The following TBC1D16 variants were observed in gnomAD, a reference collection of about 807,000 sequenced individuals.
TBC1D16 encodes the protein TBC1 domain family member 16.
In TBC1D16, 58 loss-of-function variants were observed where a neutral mutation model predicts 74.7. The observed-to-expected ratio is 0.78, with a 90% CI of 0.63 to 0.97. The LOEUF (loss-of-function observed/expected upper bound fraction) is 0.97. TBC1D16 is among the 50% of genes least tolerant of loss of function. The probability of loss-of-function intolerance (pLI) is 0.00; values close to 1 mark genes in which losing one functional copy is unlikely to be tolerated. For missense variants in TBC1D16, 1,014 were observed against 1,079.5 expected, an observed-to-expected ratio of 0.94 and a Z score of 0.85; for synonymous variants, 493 against 474.7, an observed-to-expected ratio of 1.04 and a Z score of -0.50.
At chr17:79,959,658 T>G (rs918389512) in intron 3 of TBC1D16, among the ~76,000 whole-genome samples, 1 of 152,136 alleles carries the variant, frequency 6.6e-6, no homozygotes, top group African/African-American at 2.4e-5. Context: ...CAACAGGATA[T>G]CTGCATGAAA....
intron 3 of TBC1D16, among the ~76,000 whole-genome samples, chr17:79,991,221 C>G (rs1022921870): frequency 6.6e-6 from 1 of 152,220 alleles, no homozygotes; most frequent in East Asian, 1.9e-4. Flanking sequence ...GCGTCCACGC[C>G]GGGAGAGCAG....
chr17:79,964,856 T>C (rs2033773368), intron 3 of TBC1D16, among the ~76,000 whole-genome samples: 3 of 152,078 alleles, frequency 2.0e-5, no homozygotes, highest in Admixed American at 1.3e-4. Flanking sequence ...GGAAAGTAGG[T>C]TGCAAAACTA....
At chr17:79,943,814 AAC>A (rs2032261294) in intron 10 of TBC1D16, 1 of 1,315,898 alleles carries the variant, frequency 7.6e-7, no homozygotes, top group Non-Finnish European at 9.8e-7. Context: ...GTTCACGGGT[AAC>A]ATCAGCCTGA....
intron 3 of TBC1D16, among the ~76,000 whole-genome samples, chr17:79,995,734 G>A (rs772839789): frequency 5.3e-5 from 8 of 152,146 alleles, no homozygotes; most frequent in African/African-American, 1.9e-4. Context: ...GCAGTGAGCC[G>A]AGATCGCGCC....
intron 3 of TBC1D16, among the ~76,000 whole-genome samples, chr17:79,953,755 T>C (rs1401218881): frequency 6.6e-6 from 1 of 152,154 alleles, no homozygotes. Flanking sequence ...TGAGATTTTT[T>C]CTTTTTTTCT....
chr17:80,021,912 T>G (rs1378651400), intron 1 of TBC1D16, among the ~76,000 whole-genome samples: 1 of 11,638 alleles, frequency 8.6e-5, no homozygotes, highest in African/African-American at 2.0e-4. Flanking sequence ...ACACACACCA[T>G]GACACACACA....
intron 3 of TBC1D16, among the ~76,000 whole-genome samples, chr17:79,970,340 C>G (rs1333265376): frequency 6.6e-6 from 1 of 152,106 alleles, no homozygotes; most frequent in African/African-American, 2.4e-5. Flanking sequence ...TGAAAATGTT[C>G]TGGAATCAGG....
chr17:79,969,960 G>A (rs1362626814), intron 3 of TBC1D16, among the ~76,000 whole-genome samples: 1 of 151,960 alleles, frequency 6.6e-6, no homozygotes, highest in African/African-American at 2.4e-5. Flanking sequence ...GAAAAGAAAA[G>A]AAAATAGATG....
rs2034080626 is a variant in TBC1D16, at chr17:79,971,085, C to T, written c.780-18267G>A. On this transcript the variant is annotated intron_variant, in intron 3 of 11. Coordinates refer to ENST00000310924, the MANE Select transcript of TBC1D16 (RefSeq NM_019020.4). The surrounding 1 kb of genome is among the most constrained non-coding windows in gnomAD (Gnocchi z 4.6). ...TTGCCCAGGCTGGAGTGCAGTGGCGCTATCTCGGCTCACTGCAACCTCCAC... is the reference window on the plus strand; with the variant it reads ...TTGCCCAGGCTGGAGTGCAGTGGCGTTATCTCGGCTCACTGCAACCTCCAC... Among the ~76,000 whole-genome samples the T allele has an allele frequency of 6.6e-6, 1 of 151,824 alleles. No homozygotes were observed. Among genetic ancestry groups the T allele is most frequent in the Non-Finnish European group, 1.5e-5 (1 of 67,978 alleles).
In TBC1D16 at chr17:79,941,954, G is replaced by T; in HGVS notation, c.2055+106C>A. 1 of 1,102,414 alleles carries T rather than the reference G, an allele frequency of 9.1e-7. No homozygotes were observed. Among genetic ancestry groups the T allele is most frequent in the Non-Finnish European group, 1.3e-6 (1 of 771,770 alleles). The allele number at this position is 1,102,414 out of a possible 1,614,324, so 68.3% of individuals were successfully genotyped here. ...GGGCCATGGTGGGGATGGGGCTCTG[G>T]GGGCGGGGCCCACATCTGGGGCAGC... On this transcript the variant is annotated intron_variant, in intron 11 of 11. Coordinates refer to ENST00000310924, the MANE Select transcript of TBC1D16 (RefSeq NM_019020.4). The surrounding 1 kb of genome is among the most constrained non-coding windows in gnomAD (Gnocchi z 4.3).
At chr17:80,022,634 C>G (rs1304903105) in intron 1 of TBC1D16, among the ~76,000 whole-genome samples, 1 of 131,870 alleles carries the variant, frequency 7.6e-6, no homozygotes. Flanking sequence ...CCACCACGTC[C>G]GGCCCTGTTT....
At chr17:79,995,677 C>G (rs1271030251) in intron 3 of TBC1D16, among the ~76,000 whole-genome samples, 3 of 151,290 alleles carry the variant, frequency 2.0e-5, no homozygotes, top group Non-Finnish European at 4.4e-5. Context: ...CCCAGCTACT[C>G]GGGAGGCTGA....
intron 3 of TBC1D16, among the ~76,000 whole-genome samples, chr17:79,982,144 T>G (rs2034611928): frequency 6.6e-6 from 1 of 151,478 alleles, no homozygotes; most frequent in South Asian, 2.1e-4. Context: ...TTGTGTGGTT[T>G]TTTTTTCTTT....
rs148675489 is a variant in TBC1D16 at position 79,945,016 on chromosome 17, G to A, written c.1800C>T (p.Asp600=). Residue 600 remains aspartate, a synonymous_variant, in exon 10 of 12, where the codon GAC becomes GAT. Coordinates refer to ENST00000310924, the MANE Select transcript of TBC1D16 (RefSeq NM_019020.4). ...GGTGGCAGAAGAGCATCTGCAGGCCGTCCTCGCCCAGCGAGACCAGGTGCT... is the reference window on the plus strand; with the variant it reads ...GGTGGCAGAAGAGCATCTGCAGGCCATCCTCGCCCAGCGAGACCAGGTGCT... ...FYQHLVSLGE[D]GLQMLFCHRW... is the part of the protein sequence containing the mutation. The A allele has an allele frequency of 2.4e-5, 38 of 1,579,624 alleles. No individual in the cohort carries two copies. In the East Asian group the frequency reaches 3.4e-4, roughly 14 times the overall value.
intron 11 of TBC1D16, 36 bp downstream of exon 11, chr17:79,942,024 G>A (rs201436346): frequency 1.8e-5 from 28 of 1,559,270 alleles, no homozygotes; most frequent in Middle Eastern, 2.3e-4. Context: ...CTTTGGGGGC[G>A]GGGCGGGGTG....
At chr17:80,034,708 A>G (rs34520486) in intron 1 of TBC1D16, among the ~76,000 whole-genome samples, 47,504 of 152,144 alleles carry the variant, frequency 0.31, 8,160 homozygotes, top group Middle Eastern at 0.47. Context: ...GTATTCACCA[A>G]TTTTACTGTT....
rs900903721 is a variant in TBC1D16, at chr17:79,988,189, G to A, written c.779+21971C>T. 4.6e-5 allele frequency among the ~76,000 whole-genome samples: 7 copies of A among 152,210 alleles called. No individual in the cohort carries two copies. Among genetic ancestry groups the A allele is most frequent in the African/African-American group, 1.4e-4 (6 of 41,464 alleles). On this transcript the variant is annotated intron_variant, in intron 3 of 11. Coordinates refer to ENST00000310924, the MANE Select transcript of TBC1D16 (RefSeq NM_019020.4). The surrounding 1 kb of genome is among the most constrained non-coding windows in gnomAD (Gnocchi z 5.7). ...TACTAGTTTGGATGCTTCCCCTGAC[G>A]CCTACCTGGGAGGTGCTTGCCTGGC... is the stretch of plus-strand genomic sequence containing the variant.
chr17:79,989,786 G>A (rs1019221039), intron 3 of TBC1D16, among the ~76,000 whole-genome samples: 5 of 152,152 alleles, frequency 3.3e-5, no homozygotes, highest in African/African-American at 9.7e-5. Flanking sequence ...ACCAGAGAAC[G>A]GTATTGAAAA....
At chr17:80,015,062 A>C (rs1417456421) in intron 1 of TBC1D16, among the ~76,000 whole-genome samples, 1 of 152,174 alleles carries the variant, frequency 6.6e-6, no homozygotes, top group African/African-American at 2.4e-5. Context: ...ATGAGAACCA[A>C]CTAGACTTCT....
Sources: gnomAD v4.1 joint callset for allele counts (sites outside exome capture counted in the v4.1 genomes callset) on GRCh38, gnomAD v4.1.1 for gene constraint, Gnocchi (gnomAD v3.1) non-coding constraint, MANE v1.5 for transcripts, NCBI Gene and HGNC (gene_info 2026-07-23, HGNC 2026-07-21) for gene names.